The following TCF7L2 variants were observed in gnomAD, a reference collection of about 807,000 sequenced individuals.
The protein encoded by TCF7L2 is transcription factor 7 like 2.
In TCF7L2, 23 loss-of-function variants were observed where a neutral mutation model predicts 77.9. The ratio of observed to expected loss-of-function variants is 0.30; its 90% CI spans 0.21 to 0.42. The LOEUF is 0.42. Among genes scored for constraint, TCF7L2 ranks in the 10% least tolerant of loss-of-function variants. The pLI is 1.00. For synonymous variants in TCF7L2, 413 were observed against 340.2 expected (o/e 1.21, Z -2.36); for missense variants, 654 against 793.1 (o/e 0.82, Z 2.11).
At chr10:112,999,019 A>G (rs1412025409) in intron 4 of TCF7L2, among the ~76,000 whole-genome samples, 1 of 152,172 alleles carries the variant, frequency 6.6e-6, no homozygotes, top group Non-Finnish European at 1.5e-5. Context: ...TATTAAAAAA[A>G]GTATTTTATT....
At chr10:113,142,612 C>A (rs2068573192) in intron 6 of TCF7L2, among the ~76,000 whole-genome samples, 1 of 152,180 alleles carries the variant, frequency 6.6e-6, no homozygotes, top group African/African-American at 2.4e-5. Flanking sequence ...TTCACTGCCC[C>A]TGAACGAAGC....
chr10:113,151,147 C>T lies in TCF7L2; in HGVS notation c.1001+24C>T, dbSNP rs2070663222. The T allele has an allele frequency of 1.2e-6, 2 of 1,613,794 alleles. No homozygotes were observed. The highest frequency in any genetic ancestry group is 1.7e-6 in the Non-Finnish European group (2 of 1,179,936). On this transcript the variant is annotated intron_variant, in intron 9 of 13. Transcript: ENST00000627217. The surrounding 1 kb of genome is among the most constrained non-coding windows in gnomAD (Gnocchi z 5.2). ...TCGTAAGTGTTGCTGTTTTTCTCAC[C>T]TTCTTCGTAGCCGCAGTGTTCTGCA... is the stretch of plus-strand genomic sequence containing the variant.
Position 113,165,716 on chromosome 10 carries a change from C to T in TCF7L2, c.1553C>T (p.Ser518Leu), listed in dbSNP as rs770242240. ...CAGACTGAGCAGACCCAGCCTCTGT[C>T]GCTGTCCCTGAAGCCCGACCCCCTG... The change falls in exon 14 of 14, where the codon TCG becomes TTG. Residue 518 changes from serine to leucine, a missense_variant. Physicochemically the swap from Ser to Leu is moderately radical, Grantham distance 145. This residue lies in a region of TCF7L2 where 272 missense variants were observed against 215.4 expected (regional missense o/e 1.26). Coordinates refer to ENST00000627217, the MANE Select transcript of TCF7L2 (RefSeq NM_001146274.2). The T allele has an allele frequency of 1.1e-5, 18 of 1,612,630 alleles. No individual in the cohort carries two copies. The highest frequency in any genetic ancestry group is 1.7e-5 in the Admixed American group (1 of 59,864).
intron 3 of TCF7L2, among the ~76,000 whole-genome samples, chr10:112,961,052 T>C (rs1335907600): frequency 6.6e-6 from 1 of 151,776 alleles, no homozygotes; most frequent in Non-Finnish European, 1.5e-5. Flanking sequence ...TTTGCTCTTG[T>C]TGCCCAGGCT....
At position 113,015,446 on chromosome 10, in the gene TCF7L2, C is replaced by CTTT. The variant is rs67005436; in HGVS notation, c.451-24560_451-24558dup. On this transcript the variant is annotated intron_variant, in intron 4 of 13. Transcript: ENST00000627217. ...TGCTGGGCTTTTCCTGCCTGATGAG[C>CTTT]TTTTTTTTTTTTTTTTTTTTTGAGA... Among the ~76,000 whole-genome samples, 260 of 103,196 alleles carry CTTT rather than the reference C, an allele frequency of 2.5e-3. 4 individuals carry two copies. Among genetic ancestry groups the CTTT allele is most frequent in the African/African-American group, 0.011 (238 of 21,844 alleles). The allele number at this position is 103,196 out of a possible 152,430, so 67.7% of individuals were successfully genotyped here.
chr10:113,150,972 G>A (rs750713916), intron 8 of TCF7L2, 26 bp from the exon 9 acceptor site: 7 of 1,612,220 alleles, frequency 4.3e-6, no homozygotes, highest in Admixed American at 1.7e-5. Flanking sequence ...TGATTCTGAC[G>A]ATTTACACAG....
rs1160456473 is a variant in TCF7L2 at position 113,151,719 on chromosome 10, C to T, written c.1002-6C>T. On this transcript the variant is annotated splice_region_variant and splice_polypyrimidine_tract_variant and intron_variant, in intron 9 of 13. Coordinates refer to ENST00000627217, the MANE Select transcript of TCF7L2 (RefSeq NM_001146274.2). The surrounding 1 kb of genome is among the most constrained non-coding windows in gnomAD (Gnocchi z 5.2). ...ATTGGGTTGCGTCTGTTTTGTCTAT[C>T]TCCAGAAAGCATCAGGACTCCAAAA... 2.5e-6 allele frequency: 4 copies of T among 1,583,356 alleles called. No individual in the cohort carries two copies. The highest frequency in any genetic ancestry group is 1.4e-5 in the African/African-American group (1 of 72,818).
At chr10:113,130,000 G>T (rs1418540818) in intron 5 of TCF7L2, 2 of 1,266,444 alleles carry the variant, frequency 1.6e-6, no homozygotes, top group Non-Finnish European at 1.0e-6. Flanking sequence ...GAGTAGTGGG[G>T]TGTGTGGTGT....
intron 5 of TCF7L2, among the ~76,000 whole-genome samples, chr10:113,097,670 A>AC (rs1564890308): frequency 8.1e-6 from 1 of 123,954 alleles, no homozygotes; most frequent in East Asian, 2.0e-4. Flanking sequence ...AAAAAAAAAA[A>AC]AAAACAACCA....
At chr10:113,130,335 C>T (rs2066383849) in intron 5 of TCF7L2, among the ~76,000 whole-genome samples, 1 of 152,112 alleles carries the variant, frequency 6.6e-6, no homozygotes, top group Non-Finnish European at 1.5e-5. Flanking sequence ...TTTCTTCTAA[C>T]AAATAATTGT....
At chr10:113,089,393 G>T in intron 5 of TCF7L2, 1 of 1,612,108 alleles carries the variant, frequency 6.2e-7, no homozygotes, top group Non-Finnish European at 8.5e-7. Context: ...TTTCTTCCTG[G>T]CAGCAGAGCC....
At chr10:113,035,933 C>T (rs2051116933) in intron 4 of TCF7L2, among the ~76,000 whole-genome samples, 1 of 152,268 alleles carries the variant, frequency 6.6e-6, no homozygotes, top group South Asian at 2.1e-4. Context: ...CTGTCTGGCA[C>T]TTTGCAGAAA....
chr10:113,143,806 T>C, intron 6 of TCF7L2, 117 bp from the exon 7 acceptor site: 4 of 686,572 alleles, frequency 5.8e-6, no homozygotes, highest in South Asian at 2.1e-5. Flanking sequence ...GAATGAACCT[T>C]GTGCTAGGAT....
At chr10:113,142,875 G>A (rs778057930) in intron 6 of TCF7L2, among the ~76,000 whole-genome samples, 1 of 152,208 alleles carries the variant, frequency 6.6e-6, no homozygotes, top group African/African-American at 2.4e-5. Flanking sequence ...CAAATGGCTC[G>A]ATGTAGGGTC....
rs367720937 is a variant in TCF7L2 at position 113,161,346 on chromosome 10, AAT to A, written c.1391+660_1391+661del. ...GTCCCTAGGCCTGCAGAATTAACAA[AAT>A]ATATGTGTGTATATATGTAGCATTG... On this transcript the variant is annotated intron_variant, in intron 13 of 13. Coordinates refer to ENST00000627217, the MANE Select transcript of TCF7L2 (RefSeq NM_001146274.2). 2.3e-3 allele frequency: 1,283 copies of A among 565,092 alleles called. 30 individuals are homozygous for A. The South Asian group carries it at 0.027, about 12-fold the overall frequency. 35.0% of individuals were successfully genotyped at this position (565,092 alleles called of 1,614,324 possible). A position where few individuals can be genotyped will look rare whatever the true frequency, so the allele number is the denominator to read the frequency against.
chr10:113,156,925 G>A (rs1215666847), intron 11 of TCF7L2, among the ~76,000 whole-genome samples: 1 of 152,212 alleles, frequency 6.6e-6, no homozygotes, highest in African/African-American at 2.4e-5. Flanking sequence ...CTGTTGAAGA[G>A]GATTGTTGTG....
At chr10:113,158,108 C>T in intron 12 of TCF7L2, 39 bp downstream of exon 12, 1 of 1,568,022 alleles carries the variant, frequency 6.4e-7, no homozygotes, top group East Asian at 2.3e-5. Context: ...GGAGCTGTAG[C>T]CTGAGGACCA....
chr10:113,065,661 G>A (rs1158509071), intron 5 of TCF7L2, among the ~76,000 whole-genome samples: 1 of 152,174 alleles, frequency 6.6e-6, no homozygotes, highest in African/African-American at 2.4e-5. Flanking sequence ...AGATGGACAG[G>A]TTTTGGTTTG....
intron 5 of TCF7L2, among the ~76,000 whole-genome samples, chr10:113,049,853 G>A (rs983297575): frequency 2.6e-5 from 4 of 152,218 alleles, no homozygotes; most frequent in Non-Finnish European, 5.9e-5. Flanking sequence ...CATGCTTCGA[G>A]TGGAGCTTTT....
Sources: allele counts gnomAD v4.1 joint callset (sites outside exome capture counted in the v4.1 genomes callset), GRCh38; gene constraint gnomAD v4.1.1; regional missense constraint gnomAD v4.1.1; non-coding constraint Gnocchi (gnomAD v3.1); transcripts MANE v1.5; gene names NCBI Gene and HGNC (gene_info 2026-07-23, HGNC 2026-07-21).